Variants in EPHA5 observed in about 807,000 individuals in gnomAD.
EPHA5 encodes the protein ephrin type-A receptor 5.
A neutral mutation model predicts 105.0 loss-of-function variants in EPHA5; 60 were observed. The ratio of observed to expected loss-of-function variants is 0.57; its 90% CI spans 0.46 to 0.71. The LOEUF (loss-of-function observed/expected upper bound fraction) is 0.71. EPHA5 is among the 30% of genes least tolerant of loss of function. The pLI is 0.00. For synonymous variants in EPHA5, 513 were observed against 449.1 expected (o/e 1.14, Z -1.80); for missense variants, 1,218 against 1,274.7 (o/e 0.96, Z 0.68).
chr4:65,516,827 C>T (rs1193714031), intron 3 of EPHA5, among the ~76,000 whole-genome samples: 1 of 152,050 alleles, frequency 6.6e-6, no homozygotes, highest in Non-Finnish European at 1.5e-5. Flanking sequence ...TGATTTCAAA[C>T]TTAATCCCAT....
intron 1 of EPHA5, among the ~76,000 whole-genome samples, chr4:65,645,550 G>C (rs1358426393): frequency 6.6e-6 from 1 of 151,572 alleles, no homozygotes; most frequent in Non-Finnish European, 1.5e-5. Context: ...CAGAATTTCA[G>C]ATGGTTTTTC....
At chr4:65,592,737 T>C (rs1381633529) in intron 3 of EPHA5, among the ~76,000 whole-genome samples, 6 of 152,126 alleles carry the variant, frequency 3.9e-5, no homozygotes, top group African/African-American at 1.2e-4. Flanking sequence ...CAATCCTGGT[T>C]GCATATAACA....
chr4:65,632,544 A>T (rs950775839), intron 2 of EPHA5, among the ~76,000 whole-genome samples: 3 of 151,678 alleles, frequency 2.0e-5, no homozygotes, highest in Non-Finnish European at 2.9e-5. Context: ...GCAAAAAAAA[A>T]AAAAAAAAAT....
intron 16 of EPHA5, among the ~76,000 whole-genome samples, chr4:65,330,002 G>A (rs111346986): frequency 4.0e-5 from 6 of 151,454 alleles, no homozygotes; most frequent in South Asian, 2.1e-4. Flanking sequence ...TAAAGGGCCT[G>A]GAGTTGCCCC....
intron 3 of EPHA5, among the ~76,000 whole-genome samples, chr4:65,506,785 T>C (rs1733071813): frequency 6.6e-6 from 1 of 152,060 alleles, no homozygotes; most frequent in Non-Finnish European, 1.5e-5. Context: ...CTTTGTCAGA[T>C]GAGTAGATGC....
Position 65,384,039 on chromosome 4 carries a change from C to T in EPHA5, c.1794-16615G>A, listed in dbSNP as rs375507362. Among the ~76,000 whole-genome samples, 6 of 151,682 alleles carry T rather than the reference C, an allele frequency of 4.0e-5. No individual in the cohort carries two copies. In the South Asian group the frequency reaches 6.3e-4, roughly 16 times the overall value. The stretch of plus-strand genomic sequence containing the variant: ...TATTTTTCAAAAATCGGTTTGTATA[C>T]GAGAAAGTTCCTGCCATTAATGAGT... On this transcript the variant is annotated intron_variant, in intron 8 of 16. Transcript: ENST00000613740.
At chr4:65,406,791 T>TG (rs1426041849) in intron 7 of EPHA5, among the ~76,000 whole-genome samples, 1 of 152,136 alleles carries the variant, frequency 6.6e-6, no homozygotes, top group Non-Finnish European at 1.5e-5. Context: ...TGTTTAAAAT[T>TG]GGCCCTTATA....
chr4:65,546,373 T>C (rs1370694673), intron 3 of EPHA5, among the ~76,000 whole-genome samples: 1 of 151,934 alleles, frequency 6.6e-6, no homozygotes, highest in Admixed American at 6.6e-5. Flanking sequence ...CCAGAAAAAA[T>C]ATGTTAATAT....
At chr4:65,574,617 T>TATATATATACAC (rs1740624491) in intron 3 of EPHA5, among the ~76,000 whole-genome samples, 1 of 134,456 alleles carries the variant, frequency 7.4e-6, no homozygotes. Flanking sequence ...TATATACATA[T>TATATATATACAC]ATATATATAC....
At chr4:65,544,622 G>A (rs187977535) in intron 3 of EPHA5, among the ~76,000 whole-genome samples, 2 of 152,162 alleles carry the variant, frequency 1.3e-5, no homozygotes, top group Non-Finnish European at 2.9e-5. Context: ...CTTTTACATT[G>A]TTGGCAGGAA....
Position 65,607,945 on chromosome 4 carries a change from A to G in EPHA5, c.247-5641T>C, listed in dbSNP as rs373559401. Among the ~76,000 whole-genome samples the G allele has an allele frequency of 7.2e-5, 11 of 152,322 alleles. No homozygotes were observed. The East Asian group carries it at 7.7e-4, about 11-fold the overall frequency. On this transcript the variant is annotated intron_variant, in intron 2 of 16. Coordinates refer to ENST00000613740, the MANE Select transcript of EPHA5 (RefSeq NM_001281766.3). ...ATGGAAGCATCCCAAATGCCCATCA[A>G]TGTTAGACTGGATAAAGAAATGGTC...
chr4:65,402,081 T>A (rs1721895837), intron 8 of EPHA5, among the ~76,000 whole-genome samples: 1 of 152,146 alleles, frequency 6.6e-6, no homozygotes, highest in Admixed American at 6.6e-5. Context: ...GTTCTCATGA[T>A]AGTAAGATTG....
chr4:65,609,932 C>G (rs770737720), intron 2 of EPHA5, among the ~76,000 whole-genome samples: 1 of 151,938 alleles, frequency 6.6e-6, no homozygotes, highest in Non-Finnish European at 1.5e-5. Flanking sequence ...TGCTATTCTA[C>G]TTTTAATGAG....
At chr4:65,532,038 T>C (rs986164638) in intron 3 of EPHA5, among the ~76,000 whole-genome samples, 1 of 152,130 alleles carries the variant, frequency 6.6e-6, no homozygotes, top group Non-Finnish European at 1.5e-5. Context: ...TTAGAACTTA[T>C]AAAAACTATC....
chr4:65,637,569 C>CATATATATATATATATAT lies in EPHA5; in HGVS notation c.246+5776_246+5793dup, dbSNP rs34456844. The stretch of plus-strand genomic sequence containing the variant: ...TATATATACACAAATATGAGTTTTG[C>CATATATATATATATATAT]ATATATATATATATATATATATATA... On this transcript the variant is annotated intron_variant, in intron 2 of 16. Transcript: ENST00000613740. Among the ~76,000 whole-genome samples, 804 of 112,238 alleles carry CATATATATATATATATAT rather than the reference C, an allele frequency of 7.2e-3. 14 individuals carry two copies. Among genetic ancestry groups the CATATATATATATATATAT allele is most frequent in the Non-Finnish European group, 0.01 (543 of 53,314 alleles). The allele number at this position is 112,238 out of a possible 152,430, so 73.6% of individuals were successfully genotyped here.
At chr4:65,331,187 T>C (rs1720580164) in intron 16 of EPHA5, 1 of 1,027,972 alleles carries the variant, frequency 9.7e-7, no homozygotes, top group Non-Finnish European at 1.2e-6. Context: ...ATTCACAGGT[T>C]AAAACATTAA....
chr4:65,533,950 T>TG (rs1736060515), intron 3 of EPHA5, among the ~76,000 whole-genome samples: 2 of 89,006 alleles, frequency 2.2e-5, no homozygotes, highest in Non-Finnish European at 5.0e-5. Context: ...AATAAATAAA[T>TG]AAAAGAAAGA....
At chr4:65,341,117 A>G (rs534709419) in intron 14 of EPHA5, among the ~76,000 whole-genome samples, 2 of 152,104 alleles carry the variant, frequency 1.3e-5, no homozygotes, top group African/African-American at 4.8e-5. Flanking sequence ...TCCTGTTGAC[A>G]TAGGTTTCTT....
intron 4 of EPHA5, among the ~76,000 whole-genome samples, chr4:65,493,384 T>C (rs945715228): frequency 3.4e-5 from 5 of 148,774 alleles, no homozygotes; most frequent in African/African-American, 7.3e-5. Context: ...TTAAAAACTT[T>C]GTATATTCTA....
Sources: allele counts gnomAD v4.1 joint callset (sites outside exome capture counted in the v4.1 genomes callset), GRCh38; gene constraint gnomAD v4.1.1; transcripts MANE v1.5; gene names NCBI Gene and HGNC (gene_info 2026-07-23, HGNC 2026-07-21).